RGS3: variants seen among roughly 807,000 people sequenced by gnomAD.
RGS3 encodes regulator of G-protein signalling 3.
RGS3 carries 80 observed loss-of-function variants against 132.6 expected under a neutral mutation model. That is an observed-to-expected ratio of 0.60 (90% CI 0.50 to 0.73). The LOEUF is 0.73. RGS3 is among the 30% of genes least tolerant of loss of function. RGS3 has a pLI of 0.00. For synonymous variants in RGS3, 598 were observed against 620.6 expected (o/e 0.96, Z 0.54); for missense variants, 1,382 against 1,530.8 (o/e 0.90, Z 1.62).
intron 9 of RGS3, 90 bp from the exon 8 acceptor site, chr9:113,497,935 C>G: frequency 7.3e-7 from 1 of 1,363,216 alleles, no homozygotes; most frequent in South Asian, 1.2e-5. Context: ...CCCCATGGGC[C>G]TGTTTCCCAG....
At chr9:113,576,612 G>T (rs1834537168) in intron 19 of RGS3, among the ~76,000 whole-genome samples, 1 of 152,180 alleles carries the variant, frequency 6.6e-6, no homozygotes, top group Non-Finnish European at 1.5e-5. Context: ...TTACAGGCGT[G>T]AGCCACCGCA....
intron 10 of RGS3, among the ~76,000 whole-genome samples, chr9:113,498,856 G>A (rs1830770952): frequency 6.7e-6 from 1 of 150,034 alleles, no homozygotes; most frequent in East Asian, 2.0e-4. Flanking sequence ...AGCGGAGGTT[G>A]CAGTGAGCTG....
chr9:113,452,816 A>T (rs1829273267), intron 1 of RGS3, among the ~76,000 whole-genome samples: 1 of 148,450 alleles, frequency 6.7e-6, no homozygotes, highest in African/African-American at 2.5e-5. Context: ...TGTCTAACCC[A>T]TTGTTAATCC....
Position 113,503,936 on chromosome 9 carries a change from T to A in RGS3, c.898-1506T>A, listed in dbSNP as rs192974281. Among the ~76,000 whole-genome samples the A allele has an allele frequency of 3.9e-5, 6 of 152,316 alleles. No individual in the cohort carries two copies. In the East Asian group the frequency reaches 1.2e-3, roughly 29 times the overall value. The stretch of plus-strand genomic sequence containing the variant: ...CTTTCCATTTTTTTCTCTTCCTGTC[T>A]TAGCTGCGTGTTTTCCCAGAATTCT... On this transcript the variant is annotated intron_variant, in intron 10 of 24. Coordinates refer to ENST00000350696, the Ensembl canonical transcript of RGS3.
Position 113,584,075 on chromosome 9 carries a change from T to G in RGS3, c.2663T>G (p.Val888Gly), listed in dbSNP as rs532447042. Residue 888 changes from valine to glycine, a missense_variant, in exon 20 of 25, where the codon GTG becomes GGG. Physicochemically the swap from Val to Gly is moderately radical, Grantham distance 109. Coordinates refer to ENST00000350696, the Ensembl canonical transcript of RGS3. ...GAGGATGCAGAAGAGGCCGAGGAGG[T>G]GGAGGAGGGGGAGGAAGGGGAGGAG... 17 of 1,611,120 alleles carry G rather than the reference T, an allele frequency of 1.1e-5. No individual in the cohort carries two copies. In the Admixed American group the frequency reaches 2.2e-4, roughly 21 times the overall value.
chr9:113,451,153 T>A (rs1046484275), intron 1 of RGS3, among the ~76,000 whole-genome samples: 1 of 144,004 alleles, frequency 6.9e-6, no homozygotes, highest in Non-Finnish European at 1.5e-5. Context: ...ACCTCCAGCC[T>A]GGGCAACAGT....
At chr9:113,530,436 C>T (rs1279305107) in intron 18 of RGS3, among the ~76,000 whole-genome samples, 1 of 152,216 alleles carries the variant, frequency 6.6e-6, no homozygotes, top group Non-Finnish European at 1.5e-5. Flanking sequence ...AGGCACATTC[C>T]CCCGGAGCAC....
chr9:113,481,164 C>T (rs1016823120), intron 4 of RGS3, among the ~76,000 whole-genome samples: 1 of 152,186 alleles, frequency 6.6e-6, no homozygotes, highest in Non-Finnish European at 1.5e-5. Context: ...GGTCATTTTG[C>T]CTTATTATTT....
intron 19 of RGS3, chr9:113,570,121 C>T (rs1834221547): frequency 6.6e-6 from 1 of 152,208 alleles, no homozygotes; most frequent in South Asian, 2.1e-4. Flanking sequence ...CTCCTGCCTT[C>T]ATGTCCTCAA....
intron 19 of RGS3, among the ~76,000 whole-genome samples, chr9:113,543,239 G>A (rs1281319580): frequency 6.6e-6 from 1 of 152,226 alleles, no homozygotes; most frequent in Admixed American, 6.5e-5. Context: ...GTAAGACCTC[G>A]GCATCTTTAG....
chr9:113,579,111 G>C lies in RGS3; in HGVS notation c.2038-4339G>C, dbSNP rs1381230065. Among the ~76,000 whole-genome samples the C allele has an allele frequency of 6.6e-6, 1 of 152,196 alleles. No homozygotes were observed. Among genetic ancestry groups the C allele is most frequent in the Non-Finnish European group, 1.5e-5 (1 of 68,036 alleles). ...GTGCAGGAAGTGGTTTTCGAGGGCA[G>C]ATGCAGAGCCCGGCATCCGTGGTGG... On this transcript the variant is annotated intron_variant, in intron 19 of 24. Coordinates refer to ENST00000350696, the Ensembl canonical transcript of RGS3. The surrounding 1 kb of genome is among the most constrained non-coding windows in gnomAD (Gnocchi z 4.3).
Position 113,593,847 on chromosome 9 carries a change from C to T in RGS3, c.3081-583C>T, listed in dbSNP as rs541696173. ...CCACCCCGGTGGTGGGCAGTGCCTC[C>T]CCTGGCTCCCTCCTTCCCTTTCAGC... On this transcript the variant is annotated intron_variant, in intron 21 of 24. Coordinates refer to ENST00000350696, the Ensembl canonical transcript of RGS3. 6.3e-5 allele frequency: 92 copies of T among 1,459,086 alleles called. No individual in the cohort carries two copies. In the South Asian group the frequency reaches 9.6e-4, roughly 15 times the overall value. 90.4% of individuals were successfully genotyped at this position (1,459,086 alleles called of 1,614,324 possible). A position where few individuals can be genotyped will look rare whatever the true frequency, so the allele number is the denominator to read the frequency against.
intron 19 of RGS3, chr9:113,541,346 G>A (rs1451965234): frequency 6.2e-7 from 1 of 1,613,820 alleles, no homozygotes; most frequent in South Asian, 1.1e-5. Context: ...GCTCTCTCCA[G>A]CAGGAGATGG....
intron 3 of RGS3, among the ~76,000 whole-genome samples, chr9:113,462,532 C>A (rs886122438): frequency 6.6e-6 from 1 of 152,174 alleles, no homozygotes; most frequent in Non-Finnish European, 1.5e-5. Flanking sequence ...AGGACAATGG[C>A]GTTTGGGGCA....
chr9:113,596,995 G>T, exon 25 of RGS3: 1 of 1,536,824 alleles, frequency 6.5e-7, no homozygotes, highest in Non-Finnish European at 8.8e-7. Context: ...CAGGCGGGCT[G>T]GGTCCCCTGC....
chr9:113,504,608 C>T (rs564169573), intron 10 of RGS3, among the ~76,000 whole-genome samples: 28 of 152,356 alleles, frequency 1.8e-4, no homozygotes, highest in African/African-American at 6.5e-4. Context: ...TGTGTACCCT[C>T]GTGCTCCTCT....
intron 19 of RGS3, among the ~76,000 whole-genome samples, chr9:113,574,354 T>A (rs925342231): frequency 2.6e-5 from 4 of 152,148 alleles, no homozygotes; most frequent in Admixed American, 6.5e-5. Context: ...TATTACCTCC[T>A]CCCAGAGCCA....
At chr9:113,571,657 C>T (rs943660124) in intron 19 of RGS3, among the ~76,000 whole-genome samples, 14 of 152,104 alleles carry the variant, frequency 9.2e-5, no homozygotes, top group African/African-American at 3.1e-4. Context: ...TCTTCCCACT[C>T]TGGGATTTGC....
intron 3 of RGS3, among the ~76,000 whole-genome samples, chr9:113,476,153 G>T (rs1026995804): frequency 5.3e-5 from 8 of 152,116 alleles, no homozygotes; most frequent in African/African-American, 1.9e-4. Flanking sequence ...GTCCCCGATG[G>T]TTCTCTCTAC....
Sources: gnomAD v4.1 joint callset for allele counts (sites outside exome capture counted in the v4.1 genomes callset) on GRCh38, gnomAD v4.1.1 for gene constraint, Gnocchi (gnomAD v3.1) non-coding constraint, MANE v1.5 for transcripts, NCBI Gene and HGNC (gene_info 2026-07-23, HGNC 2026-07-21) for gene names.